RGS7BP: variants seen among roughly 807,000 people sequenced by gnomAD.
The protein encoded by RGS7BP is regulator of G protein signaling 7 binding protein.
A neutral mutation model predicts 31.3 loss-of-function variants in RGS7BP; 9 were observed. The ratio of observed to expected loss-of-function variants is 0.29; its 90% CI spans 0.17 to 0.50. RGS7BP has a LOEUF of 0.50. Ranked by LOEUF, RGS7BP falls within the 20% of genes least tolerant of loss-of-function variation. The pLI is 0.98. For synonymous variants in RGS7BP, 115 were observed against 120.1 expected (o/e 0.96, Z 0.28); for missense variants, 274 against 322.0 (o/e 0.85, Z 1.14).
At chr5:64,522,969 A>G (rs919067988) in intron 2 of RGS7BP, among the ~76,000 whole-genome samples, 1 of 152,066 alleles carries the variant, frequency 6.6e-6, no homozygotes, top group Non-Finnish European at 1.5e-5. Flanking sequence ...TGTGAGGGGG[A>G]AAGAGGCAGG....
At position 64,610,223 on chromosome 5, in the gene RGS7BP, G is replaced by T. The variant is rs1024660250; in HGVS notation, c.*971G>T. On this transcript the variant is annotated 3_prime_UTR_variant, in exon 6 of 6. Transcript: ENST00000334025. ...AGCTTGTCTCATTTTAGATGACTAT[G>T]CAGATAAGATTTTTCCAACGTGTAC... 1.3e-5 allele frequency: 2 copies of T among 152,366 alleles called. No homozygotes were observed. The highest frequency in any genetic ancestry group is 4.8e-5 in the African/African-American group (2 of 41,410). The allele number at this position is 152,366 out of a possible 1,614,324, so 9.4% of individuals were successfully genotyped here. A position where few individuals can be genotyped will look rare whatever the true frequency, so the allele number is the denominator to read the frequency against.
At chr5:64,539,475 A>T (rs1741468394) in intron 2 of RGS7BP, 1 of 152,128 alleles carries the variant, frequency 6.6e-6, no homozygotes, top group African/African-American at 2.4e-5. Context: ...ACTTTCTCTT[A>T]TGTTTTCTTT....
intron 3 of RGS7BP, among the ~76,000 whole-genome samples, chr5:64,577,051 A>G (rs1157964848): frequency 6.8e-6 from 1 of 148,142 alleles, no homozygotes; most frequent in Non-Finnish European, 1.5e-5. Flanking sequence ...AAAGAAAGAT[A>G]TTTCATATGA....
chr5:64,544,782 A>T (rs1741611116), intron 2 of RGS7BP, among the ~76,000 whole-genome samples: 1 of 152,246 alleles, frequency 6.6e-6, no homozygotes, highest in South Asian at 2.1e-4. Flanking sequence ...GGGATGCAAT[A>T]AATCATGGTA....
intron 2 of RGS7BP, among the ~76,000 whole-genome samples, chr5:64,529,070 T>G (rs1012772995): frequency 5.3e-5 from 8 of 152,184 alleles, no homozygotes; most frequent in African/African-American, 1.2e-4. Flanking sequence ...CTTATAGATT[T>G]TAGCTTTAAC....
At chr5:64,512,808 T>G (rs537713724) in intron 2 of RGS7BP, among the ~76,000 whole-genome samples, 2 of 152,354 alleles carry the variant, frequency 1.3e-5, no homozygotes, top group Non-Finnish European at 2.9e-5. Flanking sequence ...AAAAAGCCTG[T>G]TCTGAGATAC....
At chr5:64,546,141 A>G (rs1386704930) in intron 2 of RGS7BP, among the ~76,000 whole-genome samples, 1 of 152,118 alleles carries the variant, frequency 6.6e-6, no homozygotes, top group African/African-American at 2.4e-5. Flanking sequence ...GCGACAGAAC[A>G]AGACTCTGTC....
intron 2 of RGS7BP, among the ~76,000 whole-genome samples, chr5:64,513,759 C>CT (rs900190080): frequency 6.6e-6 from 1 of 152,158 alleles, no homozygotes; most frequent in Non-Finnish European, 1.5e-5. Flanking sequence ...CCCACTCTGT[C>CT]TTTTCTTTTC....
At chr5:64,608,447 T>A (rs1402180830) in intron 5 of RGS7BP, among the ~76,000 whole-genome samples, 3 of 151,944 alleles carry the variant, frequency 2.0e-5, no homozygotes, top group Admixed American at 2.0e-4. Flanking sequence ...CAGAAATCTA[T>A]AGAAAGTGCT....
At position 64,586,322 on chromosome 5, in the gene RGS7BP, C is replaced by G. The variant is rs145153029; in HGVS notation, c.464-8388C>G. Among the ~76,000 whole-genome samples, 22 of 152,200 alleles carry G rather than the reference C, an allele frequency of 1.4e-4. 1 individual carries two copies. In the East Asian group the frequency reaches 4.1e-3, roughly 28 times the overall value. On this transcript the variant is annotated intron_variant, in intron 3 of 5. Coordinates refer to ENST00000334025, the MANE Select transcript of RGS7BP (RefSeq NM_001029875.3). Reference sequence around the variant, plus strand: ...CACCAGTAATCCCCACCTCGCCTGCCCTTATACCCTGCCCTACCCCACTTG... The same window carrying G: ...CACCAGTAATCCCCACCTCGCCTGCGCTTATACCCTGCCCTACCCCACTTG...
At chr5:64,520,580 C>T (rs1417787802) in intron 2 of RGS7BP, among the ~76,000 whole-genome samples, 1 of 152,204 alleles carries the variant, frequency 6.6e-6, no homozygotes, top group East Asian at 1.9e-4. Context: ...CATTTGGGGG[C>T]ACCTTCTTTC....
At chr5:64,608,470 A>G (rs1336829512) in intron 5 of RGS7BP, among the ~76,000 whole-genome samples, 1 of 152,010 alleles carries the variant, frequency 6.6e-6, no homozygotes, top group Non-Finnish European at 1.5e-5. Flanking sequence ...GGAAAGACTC[A>G]ATAGGAAATA....
Position 64,582,724 on chromosome 5 carries a change from T to C in RGS7BP, c.463+6820T>C, listed in dbSNP as rs140775697. On this transcript the variant is annotated intron_variant, in intron 3 of 5. Coordinates refer to ENST00000334025, the MANE Select transcript of RGS7BP (RefSeq NM_001029875.3). ...TCTGCTGGGAGCTAAGAGCTCAAGATGCACTAATGAGAAATTAATGAACCA... is the reference window on the plus strand; with the variant it reads ...TCTGCTGGGAGCTAAGAGCTCAAGACGCACTAATGAGAAATTAATGAACCA... Among the ~76,000 whole-genome samples the C allele has an allele frequency of 1.6e-4, 24 of 152,288 alleles. No individual in the cohort carries two copies. In the East Asian group the frequency reaches 3.5e-3, roughly 22 times the overall value.
chr5:64,542,043 C>G (rs1209057187), intron 2 of RGS7BP, among the ~76,000 whole-genome samples: 1 of 152,152 alleles, frequency 6.6e-6, no homozygotes, highest in African/African-American at 2.4e-5. Context: ...CGAATTTTCA[C>G]AGCGCTATTT....
At chr5:64,520,243 T>C (rs1384786478) in intron 2 of RGS7BP, among the ~76,000 whole-genome samples, 1 of 152,136 alleles carries the variant, frequency 6.6e-6, no homozygotes, top group Non-Finnish European at 1.5e-5. Flanking sequence ...CCCTTCTTTC[T>C]TGGACTGGCC....
chr5:64,562,595 G>C (rs929680619), intron 2 of RGS7BP, among the ~76,000 whole-genome samples: 47 of 152,152 alleles, frequency 3.1e-4, no homozygotes, highest in Non-Finnish European at 6.6e-4. Flanking sequence ...TTTTGAGGAA[G>C]TGTGAACTCC....
chr5:64,566,564 TGTTCATAC>T (rs1425538621), intron 2 of RGS7BP, among the ~76,000 whole-genome samples: 1 of 152,076 alleles, frequency 6.6e-6, no homozygotes, highest in African/African-American at 2.4e-5. Context: ...TATACATGCT[TGTTCATAC>T]GTTGCATGTC....
chr5:64,535,773 C>T (rs1281587375), intron 2 of RGS7BP, among the ~76,000 whole-genome samples: 1 of 152,150 alleles, frequency 6.6e-6, no homozygotes, highest in East Asian at 1.9e-4. Context: ...AATGGTCCTG[C>T]CAATATCTTT....
intron 5 of RGS7BP, among the ~76,000 whole-genome samples, chr5:64,603,721 T>C (rs1743279943): frequency 1.3e-5 from 2 of 152,124 alleles, no homozygotes; most frequent in South Asian, 2.1e-4. Context: ...ATTTTGGGCA[T>C]GGAAGCTTGG....
Sources: allele counts gnomAD v4.1 joint callset (sites outside exome capture counted in the v4.1 genomes callset), GRCh38; gene constraint gnomAD v4.1.1; transcripts MANE v1.5; gene names NCBI Gene and HGNC (gene_info 2026-07-23, HGNC 2026-07-21).